The following ERG variants were observed in gnomAD, a reference collection of about 807,000 sequenced individuals.
ERG encodes transcriptional regulator ERG.
A neutral mutation model predicts 55.3 loss-of-function variants in ERG; 9 were observed. The observed-to-expected ratio is 0.16, with a 90% confidence interval of 0.10 to 0.28. The LOEUF is 0.28. Ranked by LOEUF, ERG falls within the 10% of genes least tolerant of loss-of-function variation. The pLI, the probability that ERG is intolerant of heterozygous loss-of-function variation, is 1.00. For synonymous variants in ERG, 223 were observed against 237.3 expected, an observed-to-expected ratio of 0.94 and a Z score of 0.55; for missense variants, 434 against 631.6, an observed-to-expected ratio of 0.69 and a Z score of 3.35.
At chr21:38,624,008 C>T (rs2060309535) in intron 1 of ERG, among the ~76,000 whole-genome samples, 1 of 152,164 alleles carries the variant, frequency 6.6e-6, no homozygotes, top group African/African-American at 2.4e-5. Context: ...AGATGTTTTC[C>T]ATTTGGAATA....
chr21:38,560,245 A>G (rs952133936), intron 2 of ERG, among the ~76,000 whole-genome samples: 6 of 152,194 alleles, frequency 3.9e-5, no homozygotes, highest in Admixed American at 6.5e-5. Flanking sequence ...TTCAGAAGGA[A>G]CCAGCTACAT....
chr21:38,610,724 C>T (rs2060221953), intron 1 of ERG, among the ~76,000 whole-genome samples: 1 of 152,186 alleles, frequency 6.6e-6, no homozygotes, highest in Non-Finnish European at 1.5e-5. Flanking sequence ...ACCCCTCCTT[C>T]CTGTGACCAC....
At chr21:38,647,797 T>G (rs1206290170) in intron 1 of ERG, among the ~76,000 whole-genome samples, 1 of 152,222 alleles carries the variant, frequency 6.6e-6, no homozygotes, top group Non-Finnish European at 1.5e-5. Context: ...TCATTCACTC[T>G]TTAACAAGTC....
At chr21:38,425,685 T>C (rs928725) in intron 2 of ERG, among the ~76,000 whole-genome samples, 2 of 152,186 alleles carry the variant, frequency 1.3e-5, no homozygotes, top group Non-Finnish European at 2.9e-5. Flanking sequence ...TATCCCAGTG[T>C]TTCTGGTTGT....
At chr21:38,484,616 G>C (rs1330736631) in intron 1 of ERG, among the ~76,000 whole-genome samples, 1 of 152,230 alleles carries the variant, frequency 6.6e-6, no homozygotes, top group East Asian at 1.9e-4. Flanking sequence ...TGGAATAACA[G>C]TTGTAACTCT....
chr21:38,658,102 T>C (rs2060530208), intron 1 of ERG, among the ~76,000 whole-genome samples: 1 of 152,306 alleles, frequency 6.6e-6, no homozygotes, highest in South Asian at 2.1e-4. Flanking sequence ...AAAGCCCAAG[T>C]AACCTTACAC....
chr21:38,512,898 C>T (rs1005341313), intron 2 of ERG, among the ~76,000 whole-genome samples: 2 of 151,926 alleles, frequency 1.3e-5, no homozygotes, highest in East Asian at 1.9e-4. Flanking sequence ...TTTGGGAGGC[C>T]GAGGCAGGCG....
At chr21:38,661,344 C>G (rs2060555137) in intron 1 of ERG, among the ~76,000 whole-genome samples, 1 of 152,220 alleles carries the variant, frequency 6.6e-6, no homozygotes, top group Non-Finnish European at 1.5e-5. Flanking sequence ...TGACCGCGGA[C>G]TGCCCTCGAT....
Position 38,381,498 on chromosome 21 carries a change from T to C in ERG, c.*1905A>G. ...CCAGGTAACTCTGATGTAGCAGGAC[T>C]AAAGCTGTCTACCTAGTGAGAGCTC... On this transcript the variant is annotated 3_prime_UTR_variant, in exon 10 of 10. Coordinates refer to ENST00000288319, the MANE Select transcript of ERG (RefSeq NM_182918.4). The C allele has an allele frequency of 9.4e-7, 1 of 1,063,780 alleles. No individual in the cohort carries two copies. The highest frequency in any genetic ancestry group is 1.1e-6 in the Non-Finnish European group (1 of 878,334). 65.9% of individuals were successfully genotyped at this position (1,063,780 alleles called of 1,614,324 possible). A position where few individuals can be genotyped will look rare whatever the true frequency, so the allele number is the denominator to read the frequency against.
chr21:38,506,606 CATT>C lies in ERG; in HGVS notation c.-41+69053_-41+69055del, dbSNP rs1166615233. On this transcript the variant is annotated intron_variant, in intron 2 of 8. Transcript: ENST00000398897. ...TACACTGACTTTTTGGTCATCCAAA[CATT>C]ATGCACTTAAGCAAAAAGAAATATA... Among the ~76,000 whole-genome samples the C allele has an allele frequency of 2.0e-5, 3 of 152,284 alleles. No individual in the cohort carries two copies. The East Asian group carries it at 5.8e-4, about 29-fold the overall frequency.
At chr21:38,532,350 A>G (rs997936299) in intron 2 of ERG, among the ~76,000 whole-genome samples, 1 of 131,530 alleles carries the variant, frequency 7.6e-6, no homozygotes, top group Non-Finnish European at 1.6e-5. Flanking sequence ...TAACAGCTGG[A>G]AGACTGTGGT....
chr21:38,417,724 G>A (rs1989341724), intron 3 of ERG, among the ~76,000 whole-genome samples: 1 of 152,098 alleles, frequency 6.6e-6, no homozygotes, highest in African/African-American at 2.4e-5. Flanking sequence ...AGGAGACAGA[G>A]GTTGCAGTAA....
At chr21:38,410,475 G>A (rs8127978) in intron 3 of ERG, among the ~76,000 whole-genome samples, 4,154 of 152,268 alleles carry the variant, frequency 0.027, 195 homozygotes, top group African/African-American at 0.094. Flanking sequence ...ATCTACTTTG[G>A]TAAATTGGAA....
chr21:38,525,665 C>T (rs181401760), intron 2 of ERG, among the ~76,000 whole-genome samples: 258 of 152,336 alleles, frequency 1.7e-3, no homozygotes, highest in Middle Eastern at 0.01. Flanking sequence ...ACTTCAACCA[C>T]GTCAGCTTTT....
chr21:38,591,927 A>G (rs2146895582), intron 1 of ERG, among the ~76,000 whole-genome samples: 1 of 152,336 alleles, frequency 6.6e-6, no homozygotes, highest in South Asian at 2.1e-4. Flanking sequence ...AAAAGCAGGT[A>G]TGTTTATAGA....
chr21:38,510,947 C>G (rs1312045997), intron 2 of ERG, among the ~76,000 whole-genome samples: 1 of 152,160 alleles, frequency 6.6e-6, no homozygotes, highest in African/African-American at 2.4e-5. Context: ...AGGAAGATTT[C>G]TGATCTTTAA....
intron 1 of ERG, among the ~76,000 whole-genome samples, chr21:38,477,288 GT>G (rs1425805988): frequency 2.0e-5 from 3 of 152,204 alleles, no homozygotes; most frequent in African/African-American, 7.2e-5. Flanking sequence ...ACAGGCGTGA[GT>G]CACTGCGCCT....
chr21:38,508,961 G>A (rs1165986575), intron 2 of ERG, among the ~76,000 whole-genome samples: 1 of 152,136 alleles, frequency 6.6e-6, no homozygotes, highest in Admixed American at 6.5e-5. Context: ...GCCATGTGAC[G>A]AGGCCATTTG....
chr21:38,436,110 C>T (rs535638508), intron 2 of ERG, among the ~76,000 whole-genome samples: 172 of 151,514 alleles, frequency 1.1e-3, no homozygotes, highest in Non-Finnish European at 2.0e-3. Flanking sequence ...ACCTCCGCCC[C>T]CACTGGGTTC....
Sources: gnomAD v4.1 joint callset for allele counts (sites outside exome capture counted in the v4.1 genomes callset) on GRCh38, gnomAD v4.1.1 for gene constraint, MANE v1.5 for transcripts, NCBI Gene and HGNC (gene_info 2026-07-23, HGNC 2026-07-21) for gene names.